Variants in CD163L1 observed in about 807,000 individuals in gnomAD.
CD163L1 encodes CD163 molecule like 1, also known as scavenger receptor cysteine-rich type 1 protein M160.
CD163L1 carries 124 observed loss-of-function variants against 165.4 expected under a neutral mutation model. The observed-to-expected ratio is 0.75, with a 90% confidence interval of 0.65 to 0.87. The LOEUF (loss-of-function observed/expected upper bound fraction) is 0.87, where lower values mean the gene tolerates loss of function less well. Among genes scored for constraint, CD163L1 ranks in the 40% least tolerant of loss-of-function variants. The pLI, the probability that CD163L1 is intolerant of heterozygous loss-of-function variation, is 0.00. For missense variants in CD163L1, 1,525 were observed against 1,799.9 expected, an observed-to-expected ratio of 0.85 and a Z score of 2.76; for synonymous variants, 585 against 662.2, an observed-to-expected ratio of 0.88 and a Z score of 1.79.
At chr12:7,357,795 A>T (rs1946808482) in intron 18 of CD163L1, among the ~76,000 whole-genome samples, 2 of 152,150 alleles carry the variant, frequency 1.3e-5, no homozygotes, top group Admixed American at 6.6e-5. Context: ...GACAAGTAAA[A>T]CTCAATGGTA....
intron 8 of CD163L1, among the ~76,000 whole-genome samples, chr12:7,384,252 A>T (rs960413431): frequency 1.3e-5 from 2 of 152,182 alleles, no homozygotes; most frequent in Non-Finnish European, 2.9e-5. Context: ...AAGAAAAAGA[A>T]AGAAATTTTT....
chr12:7,390,131 G>A (rs1947619630), intron 8 of CD163L1, among the ~76,000 whole-genome samples: 1 of 151,508 alleles, frequency 6.6e-6, no homozygotes, highest in African/African-American at 2.4e-5. Context: ...TCATATACGG[G>A]AGCTAAAAAA....
In CD163L1 at chr12:7,379,048, C is replaced by T. The variant is rs868455807; in HGVS notation, c.2301G>A (p.Trp767Ter). ...SGCTGGEASL[W>*]DCIRWEWKQT... ...GTTTCCACTCCCATCGTATACAATCCCAGAGAGAGGCTTCCCCTCCAGTGC... is the reference window on the plus strand; with the variant it reads ...GTTTCCACTCCCATCGTATACAATCTCAGAGAGAGGCTTCCCCTCCAGTGC... Residue 767 changes from tryptophan (W) to a stop codon, truncating the protein, a stop_gained, in exon 9 of 20, where the codon TGG (tryptophan) becomes TGA (stop). Transcript: ENST00000313599. LOFTEE classifies it high-confidence loss of function. The T allele has an allele frequency of 1.2e-6, 2 of 1,614,086 alleles. No homozygotes were observed. Among genetic ancestry groups the T allele is most frequent in the Non-Finnish European group, 8.5e-7 (1 of 1,179,998 alleles).
chr12:7,368,762 G>C lies in CD163L1; in HGVS notation c.4072+171C>G, dbSNP rs1449659119. On this transcript the variant is annotated intron_variant, in intron 16 of 19. Transcript: ENST00000313599. The surrounding 1 kb of genome is among the most constrained non-coding windows in gnomAD (Gnocchi z 4.3). The stretch of plus-strand genomic sequence containing the variant: ...TAAAAAGGATTTTTCTAGAGAGAAG[G>C]ACTGCATAGCAAAGCAGTCACAGAG... 1.5e-6 allele frequency: 1 copy of C among 670,742 alleles called. No homozygotes were observed. The highest frequency in any genetic ancestry group is 2.6e-6 in the Non-Finnish European group (1 of 379,714). The allele number at this position is 670,742 out of a possible 1,614,324, so 41.5% of individuals were successfully genotyped here. A position where few individuals can be genotyped will look rare whatever the true frequency, so the allele number is the denominator to read the frequency against.
At chr12:7,321,566 G>T in the CD163L1 span, among the ~76,000 whole-genome samples, 1 of 152,312 alleles carries the variant, frequency 6.6e-6, no homozygotes, top group South Asian at 2.1e-4. Flanking sequence ...TGAAACATCA[G>T]CATCTTGTTC....
At chr12:7,443,283 A>C (rs1257589969) in intron 1 of CD163L1, among the ~76,000 whole-genome samples, 3 of 152,228 alleles carry the variant, frequency 2.0e-5, no homozygotes, top group Non-Finnish European at 2.9e-5. Flanking sequence ...TGCACTGAGG[A>C]ATGGCACAGA....
intron 8 of CD163L1, among the ~76,000 whole-genome samples, chr12:7,389,494 G>GGGAT (rs1947599556): frequency 6.6e-6 from 1 of 152,112 alleles, no homozygotes; most frequent in African/African-American, 2.4e-5. Context: ...GAGAGTAGAA[G>GGGAT]GATGTTTATC....
At position 7,376,798 on chromosome 12, in the gene CD163L1, G is replaced by A. The variant is rs1018912966; in HGVS notation, c.2372-784C>T. 8.6e-5 allele frequency among the ~76,000 whole-genome samples: 13 copies of A among 151,924 alleles called. No individual in the cohort carries two copies. In the South Asian group the frequency reaches 1.0e-3, roughly 12 times the overall value. Reference sequence around the variant, plus strand: ...AACTTCTCACCCCTTCAACCCTAGCGCCTTGATTGAGCCACCATCATTACT... The same window carrying A: ...AACTTCTCACCCCTTCAACCCTAGCACCTTGATTGAGCCACCATCATTACT... On this transcript the variant is annotated intron_variant, in intron 9 of 19. Transcript: ENST00000313599.
intron 8 of CD163L1, among the ~76,000 whole-genome samples, chr12:7,389,960 T>TTTTATATA (rs112087077): frequency 1.5e-5 from 2 of 135,964 alleles, no homozygotes; most frequent in African/African-American, 5.6e-5. Flanking sequence ...ATATATATAT[T>TTTTATATA]TATATATATA....
chr12:7,325,529 C>A, the CD163L1 span, among the ~76,000 whole-genome samples: 1 of 152,144 alleles, frequency 6.6e-6, no homozygotes, highest in Admixed American at 6.5e-5. Flanking sequence ...CACCTGTAAT[C>A]TCAGCTACTT....
At chr12:7,421,522 TACATATATACATATACGTAC>T (rs1948415257) in intron 4 of CD163L1, among the ~76,000 whole-genome samples, 1 of 122,394 alleles carries the variant, frequency 8.2e-6, no homozygotes, top group African/African-American at 3.7e-5. Context: ...TACATATATG[TACATATATACATATACGTAC>T]ACATATACAT....
At chr12:7,397,116 A>G (rs1016794814) in intron 7 of CD163L1, among the ~76,000 whole-genome samples, 1 of 152,220 alleles carries the variant, frequency 6.6e-6, no homozygotes, top group African/African-American at 2.4e-5. Flanking sequence ...GGCAATAGAT[A>G]TATACAAAAT....
downstream of CD163L1, among the ~76,000 whole-genome samples, chr12:7,353,264 C>T (rs1052353062): frequency 3.3e-5 from 5 of 151,412 alleles, no homozygotes; most frequent in East Asian, 1.9e-4. Flanking sequence ...ATAAATGATC[C>T]GTCTTAAGAA....
chr12:7,406,780 T>A lies in CD163L1; in HGVS notation c.839A>T (p.Gln280Leu), dbSNP rs746853864. 1 of 1,614,020 alleles carries A rather than the reference T, an allele frequency of 6.2e-7. No homozygotes were observed. Among genetic ancestry groups the A allele is most frequent in the Admixed American group, 1.7e-5 (1 of 60,004 alleles). The change falls in exon 5 of 20, where the codon CAA becomes CTA. Residue 280 changes from glutamine to leucine, a missense_variant. Gln to Leu is a moderately radical substitution (Grantham distance 113). Transcript: ENST00000313599. ...RCMGRVELKI[Q>L]GRWGTVCHHK... is the part of the protein sequence containing the mutation. ...GTGGCATACGGTCCCCCACCTTCCT[T>A]GGATTTTCAGCTCTACTCTCCCCAT... is the stretch of plus-strand genomic sequence containing the variant.
the CD163L1 span, among the ~76,000 whole-genome samples, chr12:7,340,421 T>G: frequency 6.6e-6 from 1 of 152,146 alleles, no homozygotes; most frequent in Non-Finnish European, 1.5e-5. Context: ...CTCCAAACAC[T>G]GCAATTACAT....
At chr12:7,401,815 T>A (rs1947920827) in intron 6 of CD163L1, among the ~76,000 whole-genome samples, 1 of 151,904 alleles carries the variant, frequency 6.6e-6, no homozygotes, top group Admixed American at 6.6e-5. Flanking sequence ...TTTAAAAAAT[T>A]ATTTTTTTTT....
intron 14 of CD163L1, among the ~76,000 whole-genome samples, chr12:7,371,442 T>G (rs1947144297): frequency 6.6e-6 from 1 of 152,152 alleles, no homozygotes; most frequent in African/African-American, 2.4e-5. Context: ...CTAGTTTATA[T>G]TTCAACAAAT....
intron 2 of CD163L1, among the ~76,000 whole-genome samples, chr12:7,434,085 G>A (rs780885655): frequency 4.1e-4 from 62 of 152,262 alleles, no homozygotes; most frequent in African/African-American, 1.4e-3. Context: ...ATTTTTGAAG[G>A]AGATGTTTTA....
rs779080568 is a variant in CD163L1 at position 7,372,353 on chromosome 12, C to A, written c.3730+967G>T. Among the ~76,000 whole-genome samples the A allele has an allele frequency of 2.0e-5, 3 of 151,838 alleles. No homozygotes were observed. The highest frequency in any genetic ancestry group is 4.4e-5 in the Non-Finnish European group (3 of 67,904). ...TCATAAAAATGTTCACTCATTTTACCCACTCATTTTGGGACTAGAAATATA... is the reference window on the plus strand; with the variant it reads ...TCATAAAAATGTTCACTCATTTTACACACTCATTTTGGGACTAGAAATATA... On this transcript the variant is annotated intron_variant, in intron 14 of 19. Transcript: ENST00000313599. The surrounding 1 kb of genome is among the most constrained non-coding windows in gnomAD (Gnocchi z 4.2).
Sources: gnomAD v4.1 joint callset for allele counts (sites outside exome capture counted in the v4.1 genomes callset) on GRCh38, gnomAD v4.1.1 for gene constraint, Gnocchi (gnomAD v3.1) non-coding constraint, MANE v1.5 for transcripts, NCBI Gene and HGNC (gene_info 2026-07-23, HGNC 2026-07-21) for gene names.